The following ABCG2 variants were observed in gnomAD, a reference collection of about 807,000 sequenced individuals.
ABCG2 encodes broad substrate specificity ATP-binding cassette transporter ABCG2.
Under a neutral mutation model 73.5 loss-of-function variants are expected in ABCG2, and 80 were observed. The observed-to-expected ratio is 1.09, with a 90% CI of 0.91 to 1.31. The LOEUF is 1.31. Among genes scored for constraint, ABCG2 ranks in the 50% most tolerant of loss-of-function variants. ABCG2 has a pLI of 0.00. For missense variants in ABCG2, 796 were observed against 786.2 expected (o/e 1.01, Z -0.15); for synonymous variants, 269 against 282.4 (o/e 0.95, Z 0.48).
At chr4:88,098,010 C>T (rs557248721) in intron 12 of ABCG2, among the ~76,000 whole-genome samples, 1 of 152,292 alleles carries the variant, frequency 6.6e-6, no homozygotes, top group African/African-American at 2.4e-5. Context: ...GATGCCATGA[C>T]CTCACAGTGG....
chr4:88,109,001 A>ATTTT (rs35911715), intron 9 of ABCG2, among the ~76,000 whole-genome samples: 1 of 140,906 alleles, frequency 7.1e-6, no homozygotes, highest in Non-Finnish European at 1.5e-5. Flanking sequence ...TCAATTCAGG[A>ATTTT]TTTTTTTTTT....
Position 88,118,141 on chromosome 4 carries a change from G to A in ABCG2, c.809C>T (p.Ala270Val). The A allele has an allele frequency of 1.2e-6, 2 of 1,614,008 alleles. No individual in the cohort carries two copies. Among genetic ancestry groups the A allele is most frequent in the Non-Finnish European group, 1.7e-6 (2 of 1,179,946 alleles). The part of the protein sequence containing the change: ...ASGRLMFHGP[A>V]QEALGYFESA... ...TTCAAAGTATCCCAAGGCCTCCTGA[G>A]CAGGCCCGTGGAACATAAGTCTTCC... is the stretch of plus-strand genomic sequence containing the variant. Residue 270 changes from alanine (A) to valine (V), a missense_variant, in exon 7 of 16, where the codon GCT (alanine) becomes GTT (valine). Ala to Val is a moderately conservative substitution (Grantham distance 64). Coordinates refer to ENST00000237612, the MANE Select transcript of ABCG2 (RefSeq NM_004827.3).
At chr4:88,168,152 C>T (rs957679458) in intron 1 of ABCG2, among the ~76,000 whole-genome samples, 1 of 152,066 alleles carries the variant, frequency 6.6e-6, no homozygotes, top group South Asian at 2.1e-4. Flanking sequence ...TTGCTTTATA[C>T]AGCAGACAAG....
intron 1 of ABCG2, among the ~76,000 whole-genome samples, chr4:88,192,187 A>G (rs909876882): frequency 6.6e-6 from 1 of 151,788 alleles, no homozygotes; most frequent in South Asian, 2.1e-4. Context: ...TGTCAAGAAA[A>G]AAAAAAAAAA....
chr4:88,156,836 G>A (rs1187333025), intron 1 of ABCG2, among the ~76,000 whole-genome samples: 2 of 152,106 alleles, frequency 1.3e-5, no homozygotes, highest in Non-Finnish European at 2.9e-5. Flanking sequence ...AGGGCACAGT[G>A]GCTCACGCCT....
At chr4:88,164,300 A>C (rs1440960997), upstream of ABCG2, among the ~76,000 whole-genome samples, 1 of 152,172 alleles carries the variant, frequency 6.6e-6, no homozygotes, top group Admixed American at 6.6e-5. Flanking sequence ...TCTTGACCTC[A>C]GGTGATCCAC....
chr4:88,143,989 C>T (rs1725805789), intron 1 of ABCG2, among the ~76,000 whole-genome samples: 1 of 152,166 alleles, frequency 6.6e-6, no homozygotes, highest in Admixed American at 6.5e-5. Context: ...TACCTTTAAG[C>T]AAACACCAGT....
intron 1 of ABCG2, among the ~76,000 whole-genome samples, chr4:88,164,407 G>A (rs1251629455): frequency 1.3e-5 from 2 of 152,136 alleles, no homozygotes; most frequent in African/African-American, 4.8e-5. Context: ...TGTTGCGGGA[G>A]GGACCTGGTG....
chr4:88,159,133 C>T (rs1055953399), upstream of ABCG2: 4 of 456,166 alleles, frequency 8.8e-6, no homozygotes, highest in East Asian at 2.8e-4. Flanking sequence ...ACTCCCGCCT[C>T]CGGGATCGAA....
intron 1 of ABCG2, among the ~76,000 whole-genome samples, chr4:88,198,435 C>A (rs1031738151): frequency 6.6e-6 from 1 of 152,090 alleles, no homozygotes; most frequent in African/African-American, 2.4e-5. Flanking sequence ...GAGTTCAAGA[C>A]CACCCTGCAG....
rs373756807 is a variant in ABCG2 at position 88,101,186 on chromosome 4, C to T, written c.1367+44G>A. On this transcript the variant is annotated intron_variant, in intron 11 of 15. Coordinates refer to ENST00000237612, the MANE Select transcript of ABCG2 (RefSeq NM_004827.3). The stretch of plus-strand genomic sequence containing the variant: ...GATGTAATCAGTCTAACCAATAGCC[C>T]CTGCTGCTGGACAGCCCCGTTCCCA... 837 of 1,559,818 alleles carry T rather than the reference C, an allele frequency of 5.4e-4. 20 individuals are homozygous for T. The South Asian group carries it at 8.6e-3, about 16-fold the overall frequency.
At chr4:88,167,279 C>G (rs917312410) in intron 1 of ABCG2, among the ~76,000 whole-genome samples, 3 of 151,492 alleles carry the variant, frequency 2.0e-5, no homozygotes, top group African/African-American at 7.3e-5. Context: ...CTCAGCTCCT[C>G]TTGGCTGCCT....
intron 1 of ABCG2, among the ~76,000 whole-genome samples, chr4:88,145,726 G>A (rs890458199): frequency 2.0e-5 from 3 of 152,168 alleles, no homozygotes; most frequent in East Asian, 1.9e-4. Context: ...GATTACTTGA[G>A]GTCAGGAGTT....
At position 88,095,529 on chromosome 4, in the gene ABCG2, A is replaced by G. The variant is rs200579274; in HGVS notation, c.1728T>C (p.Tyr576=). The change falls in exon 14 of 16, where the codon TAT becomes TAC. Residue 576 remains tyrosine, a synonymous_variant. Coordinates refer to ENST00000237612, the MANE Select transcript of ABCG2 (RefSeq NM_004827.3). The part of the protein sequence containing the change: ...SWLQYFSIPR[Y]GFTALQHNEF... The stretch of plus-strand genomic sequence containing the variant: ...GACAAGGAAGACATACCGTAAATCC[A>G]TATCGTGGAATGCTGAAGTACTGAA... 3.2e-5 allele frequency: 52 copies of G among 1,612,994 alleles called. No individual in the cohort carries two copies. The highest frequency in any genetic ancestry group is 3.9e-5 in the Non-Finnish European group (46 of 1,179,154).
At chr4:88,104,309 G>A (rs1049365380) in intron 10 of ABCG2, among the ~76,000 whole-genome samples, 12 of 152,054 alleles carry the variant, frequency 7.9e-5, no homozygotes, top group South Asian at 4.2e-4. Flanking sequence ...CTAAACCACT[G>A]GCCTCGAGCA....
chr4:88,132,483 C>T lies in ABCG2; in HGVS notation c.263+93G>A, dbSNP rs544987819. ...AGACCTGACATGCGTTGCAAATGCT[C>T]AATAAATACCTGCTCGCACACAAAA... On this transcript the variant is annotated intron_variant, in intron 3 of 15. Transcript: ENST00000237612. The T allele has an allele frequency of 3.0e-6, 4 of 1,341,144 alleles. No homozygotes were observed. In the Admixed American group the frequency reaches 5.2e-5, roughly 17 times the overall value. The allele number at this position is 1,341,144 out of a possible 1,614,324, so 83.1% of individuals were successfully genotyped here.
chr4:88,099,329 A>T lies in ABCG2; in HGVS notation c.1487T>A (p.Met496Lys), dbSNP rs1309648684. 2 of 1,593,796 alleles carry T rather than the reference A, an allele frequency of 1.3e-6. No homozygotes were observed. The highest frequency in any genetic ancestry group is 3.6e-5 in the Admixed American group (2 of 55,970). Residue 496 changes from methionine (M) to lysine (K), a missense_variant, in exon 12 of 16, where the codon ATG becomes AAG. Transcript: ENST00000237612. ...SIIFTCIVYF[M>K]LGLKPKADAF... is the part of the protein sequence containing the mutation. ...TTGTTTTGTTACATACTTACCTAAC[A>T]TGAAGTACACTATACAGGTAAATAT...
At chr4:88,223,095 C>T (rs1002932248) in intron 1 of ABCG2, among the ~76,000 whole-genome samples, 2 of 152,234 alleles carry the variant, frequency 1.3e-5, no homozygotes, top group Non-Finnish European at 2.9e-5. Flanking sequence ...CCATTACCCC[C>T]ATTGTATATA....
intron 3 of ABCG2, 30 bp downstream of exon 3, chr4:88,132,546 A>G: frequency 6.2e-7 from 1 of 1,612,814 alleles, no homozygotes. Context: ...AGTGCACAGA[A>G]AACGCTTACT....
Sources: allele counts gnomAD v4.1 joint callset (sites outside exome capture counted in the v4.1 genomes callset), GRCh38; gene constraint gnomAD v4.1.1; transcripts MANE v1.5; gene names NCBI Gene and HGNC (gene_info 2026-07-23, HGNC 2026-07-21).